Variants in SPEG observed in about 807,000 individuals in gnomAD.
SPEG encodes the protein striated muscle enriched protein kinase, also known as striated muscle preferentially expressed protein kinase.
A neutral mutation model predicts 300.4 loss-of-function variants in SPEG; 114 were observed. That is an observed-to-expected ratio of 0.38 (90% CI 0.33 to 0.44). The LOEUF (loss-of-function observed/expected upper bound fraction) is 0.44. SPEG is among the 20% of genes least tolerant of loss of function. The probability of loss-of-function intolerance (pLI) is 1.00; values close to 1 mark genes in which losing one functional copy is unlikely to be tolerated. For missense variants in SPEG, 4,201 were observed against 4,586.2 expected, an observed-to-expected ratio of 0.92 and a Z score of 2.43; for synonymous variants, 1,964 against 2,018.9, an observed-to-expected ratio of 0.97 and a Z score of 0.73.
In SPEG at chr2:219,443,125, C is replaced by T. The variant is rs763023730; in HGVS notation, c.389-1528C>T. Reference sequence around the variant, plus strand: ...TCTTTCAGAAAACCGGCCATTCCCGCCGGGCCTTTGGCCGACTCACCCATG... The same window carrying T: ...TCTTTCAGAAAACCGGCCATTCCCGTCGGGCCTTTGGCCGACTCACCCATG... On this transcript the variant is annotated intron_variant, in intron 1 of 40. Coordinates refer to ENST00000312358, the MANE Select transcript of SPEG (RefSeq NM_005876.5). This position sits in a 1 kb window ranked among gnomAD's most constrained non-coding sequence, Gnocchi z 4.6. The T allele has an allele frequency of 6.2e-7, 1 of 1,612,712 alleles. No individual in the cohort carries two copies. Among genetic ancestry groups the T allele is most frequent in the Non-Finnish European group, 8.5e-7 (1 of 1,179,802 alleles).
chr2:219,479,014 C>G lies in SPEG; in HGVS notation c.5028-130C>G. On this transcript the variant is annotated intron_variant, in intron 22 of 40. Coordinates refer to ENST00000312358, the MANE Select transcript of SPEG (RefSeq NM_005876.5). This position sits in a 1 kb window ranked among gnomAD's most constrained non-coding sequence, Gnocchi z 5.5. ...GGGTACACGTGGAGGAGCGGAGAGG[C>G]AGTCTCTGGCTAGTATCAAGCATTC... is the stretch of plus-strand genomic sequence containing the variant. 1.3e-6 allele frequency: 1 copy of G among 755,372 alleles called. No homozygotes were observed. The highest frequency in any genetic ancestry group is 2.3e-6 in the Non-Finnish European group (1 of 440,842). 46.8% of individuals were successfully genotyped at this position (755,372 alleles called of 1,614,324 possible).
chr2:219,436,132 C>T (rs893469459), intron 1 of SPEG, among the ~76,000 whole-genome samples: 2 of 152,192 alleles, frequency 1.3e-5, no homozygotes, highest in African/African-American at 4.8e-5. Flanking sequence ...GTGGATGTTT[C>T]CAGAGCATGG....
Position 219,449,177 on chromosome 2 carries a change from G to A in SPEG, c.2019G>A (p.Gly673=), listed in dbSNP as rs139165503. The change falls in exon 4 of 41, where the codon GGG becomes GGA. Residue 673 remains glycine (G), a synonymous_variant. Coordinates refer to ENST00000312358, the MANE Select transcript of SPEG (RefSeq NM_005876.5). ...AGGCAGAGAAGAGGCTTCGCAGAGG[G>A]CCGGAGGAGGACGGTCCCTGGGGGC... is the stretch of plus-strand genomic sequence containing the variant. ...GPEAEKRLRR[G]PEEDGPWGPW... 16 of 1,397,528 alleles carry A rather than the reference G, an allele frequency of 1.1e-5. No homozygotes were observed. The highest frequency in any genetic ancestry group is 2.0e-4 in the Middle Eastern group (1 of 4,958). The allele number at this position is 1,397,528 out of a possible 1,614,324, so 86.6% of individuals were successfully genotyped here.
At chr2:219,441,194 G>A (rs1400570190) in intron 1 of SPEG, among the ~76,000 whole-genome samples, 2 of 152,226 alleles carry the variant, frequency 1.3e-5, no homozygotes, top group Admixed American at 1.3e-4. Flanking sequence ...GAATAGGGCA[G>A]GGATCGGGTG....
chr2:219,476,848 C>A, intron 18 of SPEG, 22 bp from the exon 19 acceptor site: 1 of 1,594,146 alleles, frequency 6.3e-7, no homozygotes, highest in South Asian at 1.1e-5. Flanking sequence ...TCTCTTCCCA[C>A]CCCTATCCCC....
chr2:219,464,714 G>A lies in SPEG; in HGVS notation c.2881+106G>A. ...GTTAGAGGATGCCACCACTGAAAGG[G>A]CCTTAAGGGGCCCCTAGTCCAGCTG... On this transcript the variant is annotated intron_variant, in intron 9 of 40. Transcript: ENST00000312358. The surrounding 1 kb of genome is among the most constrained non-coding windows in gnomAD (Gnocchi z 4.5). The A allele has an allele frequency of 8.5e-7, 1 of 1,171,262 alleles. No homozygotes were observed. The highest frequency in any genetic ancestry group is 1.5e-5 in the South Asian group (1 of 66,988). The allele number at this position is 1,171,262 out of a possible 1,614,324, so 72.6% of individuals were successfully genotyped here.
rs1692619852 is a variant in SPEG at position 219,479,297 on chromosome 2, G to A, written c.5085+96G>A. 1 of 1,086,230 alleles carries A rather than the reference G, an allele frequency of 9.2e-7. No individual in the cohort carries two copies. Among genetic ancestry groups the A allele is most frequent in the Admixed American group, 1.9e-5 (1 of 52,734 alleles). 67.3% of individuals were successfully genotyped at this position (1,086,230 alleles called of 1,614,324 possible). Reference sequence around the variant, plus strand: ...AATGGGTCCTGAGTGTGCCATCTGTGCCCACAGGAAGCCAGGGGTGGAGGT... The same window carrying A: ...AATGGGTCCTGAGTGTGCCATCTGTACCCACAGGAAGCCAGGGGTGGAGGT... On this transcript the variant is annotated intron_variant, in intron 23 of 40. Coordinates refer to ENST00000312358, the MANE Select transcript of SPEG (RefSeq NM_005876.5). The surrounding 1 kb of genome is among the most constrained non-coding windows in gnomAD (Gnocchi z 5.5).
At chr2:219,491,912 G>A in intron 39 of SPEG, 43 bp downstream of exon 39, 2 of 1,519,878 alleles carry the variant, frequency 1.3e-6, no homozygotes, top group Non-Finnish European at 1.8e-6. Context: ...TGCCCATACA[G>A]TGAGCTCCCG....
chr2:219,488,401 G>T, intron 32 of SPEG, 91 bp downstream of exon 32: 1 of 1,502,816 alleles, frequency 6.7e-7, no homozygotes, highest in Non-Finnish European at 9.0e-7. Context: ...TGGGGACTGA[G>T]CACGGTTAGG....
chr2:219,447,631 G>A (rs1479595886), intron 3 of SPEG, among the ~76,000 whole-genome samples: 2 of 151,948 alleles, frequency 1.3e-5, no homozygotes, highest in East Asian at 1.9e-4. Context: ...TCATCCTTTG[G>A]GTCCTAAGCC....
intron 18 of SPEG, among the ~76,000 whole-genome samples, chr2:219,475,856 C>A (rs911402588): frequency 2.0e-5 from 3 of 152,138 alleles, no homozygotes; most frequent in Non-Finnish European, 4.4e-5. Flanking sequence ...GGAGTGGTGG[C>A]CCCCCTTCCT....
intron 7 of SPEG, 106 bp from the exon 8 acceptor site, chr2:219,462,192 C>T: frequency 8.3e-7 from 1 of 1,203,482 alleles, no homozygotes; most frequent in South Asian, 1.4e-5. Context: ...TACCCAGAGC[C>T]AGTCTCAGCC....
At position 219,484,867 on chromosome 2, in the gene SPEG, G is replaced by A; in HGVS notation, c.7404G>A (p.Leu2468=). The change falls in exon 30 of 41, where the codon TTG becomes TTA. Residue 2468 remains leucine, a synonymous_variant. Transcript: ENST00000312358. The part of the protein sequence containing the change: ...SFTLERLSSR[L]QRSGSSEDSG... ...CCCTGGAGCGGCTGTCCAGCCGATT[G>A]CAGCGCAGTGGCAGCAGCGAGGACT... is the stretch of plus-strand genomic sequence containing the variant. The A allele has an allele frequency of 3.9e-6, 6 of 1,524,074 alleles. No individual in the cohort carries two copies. Among genetic ancestry groups the A allele is most frequent in the Non-Finnish European group, 5.2e-6 (6 of 1,143,262 alleles). The allele number at this position is 1,524,074 out of a possible 1,614,324, so 94.4% of individuals were successfully genotyped here.
In SPEG at chr2:219,448,775, C is replaced by T; in HGVS notation, c.1617C>T (p.Pro539=). 6.9e-7 allele frequency: 1 copy of T among 1,439,672 alleles called. No individual in the cohort carries two copies. Among genetic ancestry groups the T allele is most frequent in the Non-Finnish European group, 9.1e-7 (1 of 1,103,600 alleles). 89.2% of individuals were successfully genotyped at this position (1,439,672 alleles called of 1,614,324 possible). ...GCGAGCCCCCGCTCTTCTCTCGGCC[C>T]TCCACCCCCAAGACATCGCGGGCCG... ...EPGEPPLFSR[P]STPKTSRAVS... The change falls in exon 4 of 41, where the codon CCC becomes CCT. Residue 539 remains proline, a synonymous_variant. Transcript: ENST00000312358.
chr2:219,451,428 G>T lies in SPEG; in HGVS notation c.2257+149G>T. 8.1e-7 allele frequency: 1 copy of T among 1,233,192 alleles called. No individual in the cohort carries two copies. Among genetic ancestry groups the T allele is most frequent in the Admixed American group, 3.0e-5 (1 of 33,838 alleles). The allele number at this position is 1,233,192 out of a possible 1,614,324, so 76.4% of individuals were successfully genotyped here. A position where few individuals can be genotyped will look rare whatever the true frequency, so the allele number is the denominator to read the frequency against. ...GGGGGCTGCCCTGACTTGGGTGTGT[G>T]TTCAGGGACATTTCTCAGGACCCCC... On this transcript the variant is annotated intron_variant, in intron 5 of 40. Transcript: ENST00000312358. This position sits in a 1 kb window ranked among gnomAD's most constrained non-coding sequence, Gnocchi z 6.4.
chr2:219,440,863 T>A (rs1487319476), intron 1 of SPEG, among the ~76,000 whole-genome samples: 1 of 152,234 alleles, frequency 6.6e-6, no homozygotes, highest in East Asian at 1.9e-4. Flanking sequence ...ACGCAATAAC[T>A]GTTAATAGTT....
intron 6 of SPEG, among the ~76,000 whole-genome samples, chr2:219,454,833 C>A (rs79374030): frequency 6.6e-6 from 1 of 152,202 alleles, no homozygotes; most frequent in African/African-American, 2.4e-5. Context: ...GTGAATCACA[C>A]TTGTAATCCC....
chr2:219,468,009 C>T (rs1390701282), intron 10 of SPEG, among the ~76,000 whole-genome samples: 1 of 152,228 alleles, frequency 6.6e-6, no homozygotes, highest in African/African-American at 2.4e-5. Flanking sequence ...ATGGCACCTG[C>T]CTTGCTACGT....
chr2:219,474,159 C>G, intron 18 of SPEG: 1 of 379,462 alleles, frequency 2.6e-6, no homozygotes, highest in Admixed American at 4.0e-5. Context: ...AGGTGGATTA[C>G]CTGAGGTCAG....
Sources: gnomAD v4.1 joint callset for allele counts (sites outside exome capture counted in the v4.1 genomes callset) on GRCh38, gnomAD v4.1.1 for gene constraint, Gnocchi (gnomAD v3.1) non-coding constraint, MANE v1.5 for transcripts, NCBI Gene and HGNC (gene_info 2026-07-23, HGNC 2026-07-21) for gene names.